The following UNC79 variants were observed in gnomAD, a reference collection of about 807,000 sequenced individuals.
The protein encoded by UNC79 is protein unc-79 homolog.
UNC79 carries 37 observed loss-of-function variants against 283.1 expected under a neutral mutation model. The observed-to-expected ratio is 0.13, with a 90% CI of 0.10 to 0.17. The LOEUF (loss-of-function observed/expected upper bound fraction) is 0.17, where lower values mean the gene tolerates loss of function less well. UNC79 is among the 10% of genes least tolerant of loss of function. The pLI is 1.00. For synonymous variants in UNC79, 1,107 were observed against 1,200.2 expected, an observed-to-expected ratio of 0.92 and a Z score of 1.61; for missense variants, 2,272 against 3,211.1, an observed-to-expected ratio of 0.71 and a Z score of 7.07.
intron 1 of UNC79, among the ~76,000 whole-genome samples, chr14:93,462,658 T>C (rs1184987867): frequency 1.3e-5 from 2 of 152,112 alleles, no homozygotes; most frequent in African/African-American, 2.4e-5. Flanking sequence ...ATGTATTTGA[T>C]AGGATTTAGT....
intron 35 of UNC79, among the ~76,000 whole-genome samples, chr14:93,647,247 A>G (rs912376648): frequency 2.6e-5 from 4 of 152,218 alleles, no homozygotes; most frequent in African/African-American, 7.2e-5. Context: ...ATAACAAAAC[A>G]TCAAATCCTG....
chr14:93,697,417 T>G lies in UNC79; in HGVS notation c.7548+3005T>G, dbSNP rs141142517. Among the ~76,000 whole-genome samples, 428 of 152,316 alleles carry G rather than the reference T, an allele frequency of 2.8e-3. 1 individual carries two copies. The highest frequency in any genetic ancestry group is 9.8e-3 in the African/African-American group (408 of 41,568). ...TCCCAAAGTGCTGAGATTATAGGTG[T>G]GAGCCACTATGCCCGGCCAGATCTC... On this transcript the variant is annotated intron_variant, in intron 47 of 48. Coordinates refer to ENST00000555664, the Ensembl canonical transcript of UNC79.
chr14:93,426,363 T>G (rs1183929133), upstream of UNC79, among the ~76,000 whole-genome samples: 1 of 151,602 alleles, frequency 6.6e-6, no homozygotes, highest in Non-Finnish European at 1.5e-5. Flanking sequence ...TTTATATCTG[T>G]AAATTTTTTT....
chr14:93,643,468 C>T (rs1438286164), intron 33 of UNC79, 89 bp from the exon 37 acceptor site: 9 of 1,596,606 alleles, frequency 5.6e-6, no homozygotes, highest in East Asian at 2.2e-5. Context: ...TTTCCAAGAC[C>T]TACTAAAAAC....
intron 26 of UNC79, among the ~76,000 whole-genome samples, chr14:93,606,840 A>G (rs2065922358): frequency 6.6e-6 from 1 of 152,220 alleles, no homozygotes; most frequent in Non-Finnish European, 1.5e-5. Context: ...ATGACTTTTC[A>G]AATCAAAGGC....
chr14:93,393,172 T>A lies in UNC79; in HGVS notation c.-351+59649T>A, dbSNP rs114843309. ...GCAGGATCCCAGTTGTGTGATAAAC[T>A]GACCCACTTACACAATAACAGCAAT... is the stretch of plus-strand genomic sequence containing the variant. On this transcript the variant is annotated intron_variant, in intron 1 of 49. Coordinates refer to the UNC79 transcript ENST00000256339. Among the ~76,000 whole-genome samples the A allele has an allele frequency of 4.5e-3, 685 of 152,318 alleles. 6 individuals are homozygous for A. The highest frequency in any genetic ancestry group is 0.016 in the African/African-American group (652 of 41,572).
At chr14:93,510,719 A>G (rs112426565) in intron 7 of UNC79, among the ~76,000 whole-genome samples, 2,309 of 152,274 alleles carry the variant, frequency 0.015, 15 homozygotes, top group Non-Finnish European at 0.023. Flanking sequence ...CATTGTCCAT[A>G]TCACTATCAG....
chr14:93,528,483 G>T, intron 8 of UNC79, 75 bp from the exon 9 acceptor site: 2 of 1,336,844 alleles, frequency 1.5e-6, no homozygotes, highest in African/African-American at 2.9e-5. Context: ...CATTATTGAA[G>T]CATTTGTGCT....
At chr14:93,520,235 T>C (rs750545573) in intron 7 of UNC79, among the ~76,000 whole-genome samples, 4 of 152,012 alleles carry the variant, frequency 2.6e-5, no homozygotes, top group Admixed American at 6.6e-5. Flanking sequence ...TCCATTGTCT[T>C]CTGGCTTGCA....
At chr14:93,707,098 G>T, downstream of UNC79, 1 of 534,588 alleles carries the variant, frequency 1.9e-6, no homozygotes, top group Admixed American at 3.4e-5. Context: ...ATGACTCCTT[G>T]GGCTATCTGA....
At chr14:93,574,437 C>T (rs560407948) in intron 16 of UNC79, among the ~76,000 whole-genome samples, 13 of 152,222 alleles carry the variant, frequency 8.5e-5, no homozygotes, top group East Asian at 3.9e-4. Context: ...AAAATGGGAC[C>T]GGAAATAGTC....
chr14:93,392,553 A>G (rs1408547187), intron 1 of UNC79, among the ~76,000 whole-genome samples: 2 of 152,198 alleles, frequency 1.3e-5, no homozygotes, highest in Admixed American at 6.5e-5. Flanking sequence ...TCTTCAGTCC[A>G]TTCTTTTTTA....
intron 1 of UNC79, among the ~76,000 whole-genome samples, chr14:93,444,894 G>A (rs2056417916): frequency 6.6e-6 from 1 of 152,150 alleles, no homozygotes; most frequent in South Asian, 2.1e-4. Context: ...TTGCTTCCAA[G>A]GAAGCTTATT....
intron 40 of UNC79, among the ~76,000 whole-genome samples, chr14:93,672,917 A>G (rs1434577481): frequency 6.6e-6 from 1 of 152,140 alleles, no homozygotes; most frequent in Non-Finnish European, 1.5e-5. Context: ...CATTCTCTCC[A>G]TTTTTCTGGA....
chr14:93,697,664 G>A (rs750349097), intron 47 of UNC79, among the ~76,000 whole-genome samples: 3 of 152,090 alleles, frequency 2.0e-5, no homozygotes, highest in Non-Finnish European at 2.9e-5. Context: ...CTAGTGCTTT[G>A]GAGGGCCAAG....
intron 39 of UNC79, among the ~76,000 whole-genome samples, chr14:93,659,916 G>GA (rs1302655844): frequency 1.3e-5 from 2 of 152,210 alleles, no homozygotes; most frequent in Non-Finnish European, 2.9e-5. Flanking sequence ...CCCATTTAAT[G>GA]AAAAAACATA....
At chr14:93,382,980 A>G (rs2054695301) in intron 1 of UNC79, among the ~76,000 whole-genome samples, 1 of 152,232 alleles carries the variant, frequency 6.6e-6, no homozygotes, top group African/African-American at 2.4e-5. Flanking sequence ...ATAGAATATG[A>G]TAAATATTAT....
chr14:93,407,907 G>A (rs2055259294), intron 1 of UNC79, among the ~76,000 whole-genome samples: 1 of 152,104 alleles, frequency 6.6e-6, no homozygotes, highest in Non-Finnish European at 1.5e-5. Flanking sequence ...CAAAACAAGA[G>A]CACTAGAGGA....
chr14:93,633,245 A>G (rs1386595787), intron 31 of UNC79, among the ~76,000 whole-genome samples: 1 of 152,200 alleles, frequency 6.6e-6, no homozygotes, highest in Non-Finnish European at 1.5e-5. Flanking sequence ...AGTCATTTCC[A>G]TGAGTTAGGT....
Sources: gnomAD v4.1 joint callset for allele counts (sites outside exome capture counted in the v4.1 genomes callset) on GRCh38, gnomAD v4.1.1 for gene constraint, MANE v1.5 for transcripts, NCBI Gene and HGNC (gene_info 2026-07-23, HGNC 2026-07-21) for gene names.